The following ARID1B variants were observed in gnomAD, a reference collection of about 807,000 sequenced individuals.
The protein encoded by ARID1B is AT-rich interaction domain 1B, also known as AT-rich interactive domain-containing protein 1B.
In ARID1B, 30 loss-of-function variants were observed where a neutral mutation model predicts 212.3. The ratio of observed to expected loss-of-function variants is 0.14; its 90% CI spans 0.11 to 0.19. ARID1B has a LOEUF of 0.19. ARID1B is among the 10% of genes least tolerant of loss of function. The pLI is 1.00. For missense variants in ARID1B, 2,891 were observed against 3,204.0 expected, an observed-to-expected ratio of 0.90 and a Z score of 2.36; for synonymous variants, 1,402 against 1,301.7, an observed-to-expected ratio of 1.08 and a Z score of -1.66.
At chr6:157,183,217 T>C (rs1002199857) in intron 12 of ARID1B, among the ~76,000 whole-genome samples, 4 of 152,142 alleles carry the variant, frequency 2.6e-5, no homozygotes, top group African/African-American at 9.7e-5. Context: ...CAGCTTGCCA[T>C]TTCTGAAGTA....
chr6:157,188,387 A>G (rs1430942741), intron 13 of ARID1B, among the ~76,000 whole-genome samples: 1 of 152,118 alleles, frequency 6.6e-6, no homozygotes, highest in Non-Finnish European at 1.5e-5. Context: ...CTGGCTAGGA[A>G]TGTCTCTGTC....
chr6:157,161,797 G>A (rs1034602102), intron 8 of ARID1B, among the ~76,000 whole-genome samples: 3 of 152,172 alleles, frequency 2.0e-5, no homozygotes, highest in Admixed American at 6.5e-5. Context: ...CCAAGTTTTA[G>A]TGTTAGCCTA....
intron 4 of ARID1B, among the ~76,000 whole-genome samples, chr6:157,073,716 C>T (rs1038553747): frequency 1.3e-5 from 2 of 152,166 alleles, no homozygotes; most frequent in African/African-American, 4.8e-5. Flanking sequence ...GAAATGATTG[C>T]ACCAGGACCT....
chr6:156,846,656 AGAG>A (rs1212328224), intron 2 of ARID1B, among the ~76,000 whole-genome samples: 2 of 152,150 alleles, frequency 1.3e-5, no homozygotes. Context: ...GTTGACTCTC[AGAG>A]GAGAAGTCAG....
At chr6:156,893,034 C>CT (rs1166081558) in intron 2 of ARID1B, among the ~76,000 whole-genome samples, 1 of 112,876 alleles carries the variant, frequency 8.9e-6, no homozygotes, top group Non-Finnish European at 1.9e-5. Flanking sequence ...CTTTTTTTTT[C>CT]TTTTTTCTTC....
chr6:156,840,039 C>T (rs1211063923), intron 2 of ARID1B, among the ~76,000 whole-genome samples: 6 of 152,286 alleles, frequency 3.9e-5, no homozygotes, highest in South Asian at 4.1e-4. Context: ...GAATTGTTCT[C>T]GACAGTTCCA....
chr6:157,004,815 G>T (rs1418995489), intron 4 of ARID1B, among the ~76,000 whole-genome samples: 2 of 148,840 alleles, frequency 1.3e-5, no homozygotes, highest in African/African-American at 4.9e-5. Context: ...ATGTTAGAAA[G>T]AATTTAATTG....
intron 2 of ARID1B, among the ~76,000 whole-genome samples, chr6:156,857,746 G>A (rs1337627327): frequency 6.6e-6 from 1 of 152,172 alleles, no homozygotes; most frequent in African/African-American, 2.4e-5. Flanking sequence ...CGAGAAATGT[G>A]TCATCAGACA....
At chr6:156,850,915 T>G (rs935425586) in intron 2 of ARID1B, among the ~76,000 whole-genome samples, 1 of 152,170 alleles carries the variant, frequency 6.6e-6, no homozygotes, top group East Asian at 1.9e-4. Flanking sequence ...GTCACAAAAA[T>G]TCCCCCATCA....
intron 2 of ARID1B, among the ~76,000 whole-genome samples, chr6:156,834,158 G>A (rs1937190017): frequency 6.6e-6 from 1 of 152,184 alleles, no homozygotes; most frequent in Admixed American, 6.5e-5. Flanking sequence ...AGGAAGACTG[G>A]TTTAAGACTT....
intron 2 of ARID1B, among the ~76,000 whole-genome samples, chr6:156,897,182 G>GCTGCTGCTA (rs1474279008): frequency 6.9e-6 from 1 of 144,254 alleles, no homozygotes; most frequent in Non-Finnish European, 1.5e-5. Context: ...TTCTTCTTTT[G>GCTGCTGCTA]CTGCTGCTAC....
chr6:156,995,434 G>C (rs940812893), intron 4 of ARID1B, among the ~76,000 whole-genome samples: 1 of 152,214 alleles, frequency 6.6e-6, no homozygotes, highest in South Asian at 2.1e-4. Flanking sequence ...AAGTAGGAGA[G>C]TTTTGGTAAC....
At chr6:156,821,170 C>A (rs574814983) in intron 1 of ARID1B, among the ~76,000 whole-genome samples, 1 of 152,134 alleles carries the variant, frequency 6.6e-6, no homozygotes, top group African/African-American at 2.4e-5. Flanking sequence ...TGCAAACAAG[C>A]GGAGATAAAG....
At chr6:156,934,577 C>T (rs558436539) in intron 3 of ARID1B, among the ~76,000 whole-genome samples, 25 of 151,836 alleles carry the variant, frequency 1.6e-4, no homozygotes, top group Non-Finnish European at 3.1e-4. Flanking sequence ...TCTATATATG[C>T]GTGTTTATTG....
intron 7 of ARID1B, among the ~76,000 whole-genome samples, chr6:157,137,730 T>G (rs1354666793): frequency 1.3e-5 from 2 of 152,188 alleles, no homozygotes. Flanking sequence ...CACTCTGTAA[T>G]AGCCTATGGG....
intron 3 of ARID1B, among the ~76,000 whole-genome samples, chr6:156,910,234 C>T (rs939873091): frequency 6.6e-6 from 1 of 152,076 alleles, no homozygotes; most frequent in Non-Finnish European, 1.5e-5. Context: ...TTTTGTAGAC[C>T]ACACCATTAA....
At chr6:157,050,396 T>G (rs1384169874) in intron 4 of ARID1B, among the ~76,000 whole-genome samples, 1 of 151,932 alleles carries the variant, frequency 6.6e-6, no homozygotes, top group South Asian at 2.1e-4. Flanking sequence ...ATACAAAAAT[T>G]AGCCAGGCGT....
chr6:156,857,623 C>A (rs1253789987), intron 2 of ARID1B, among the ~76,000 whole-genome samples: 1 of 152,194 alleles, frequency 6.6e-6, no homozygotes, highest in Non-Finnish European at 1.5e-5. Flanking sequence ...TTTTTTGTTT[C>A]AGTTTGGCTT....
chr6:156,993,743 GAAACA>G (rs1194306514), intron 4 of ARID1B, among the ~76,000 whole-genome samples: 1 of 152,172 alleles, frequency 6.6e-6, no homozygotes, highest in African/African-American at 2.4e-5. Context: ...GTAAAAGCCA[GAAACA>G]AAACAGTCTT....
Sources: gnomAD v4.1 joint callset for allele counts (sites outside exome capture counted in the v4.1 genomes callset) on GRCh38, gnomAD v4.1.1 for gene constraint, MANE v1.5 for transcripts, NCBI Gene and HGNC (gene_info 2026-07-23, HGNC 2026-07-21) for gene names.